SLCO3A1: variants seen among roughly 807,000 people sequenced by gnomAD.
SLCO3A1 encodes PGE1 transporter.
In SLCO3A1, 27 loss-of-function variants were observed where a neutral mutation model predicts 63.1. The ratio of observed to expected loss-of-function variants is 0.43; its 90% CI spans 0.32 to 0.59. SLCO3A1 has a LOEUF of 0.59. Among genes scored for constraint, SLCO3A1 ranks in the 20% least tolerant of loss-of-function variants. The probability of loss-of-function intolerance (pLI) is 0.09; values close to 1 mark genes in which losing one functional copy is unlikely to be tolerated. For missense variants in SLCO3A1, 773 were observed against 945.8 expected, an observed-to-expected ratio of 0.82 and a Z score of 2.40; for synonymous variants, 473 against 409.9, an observed-to-expected ratio of 1.15 and a Z score of -1.86.
chr15:91,880,369 C>T (rs1279263852), intron 1 of SLCO3A1, among the ~76,000 whole-genome samples: 4 of 127,446 alleles, frequency 3.1e-5, no homozygotes, highest in East Asian at 2.1e-4. Flanking sequence ...TCAGTTTTAC[C>T]GGCACTCGTG....
intron 1 of SLCO3A1, among the ~76,000 whole-genome samples, chr15:91,880,640 TC>T (rs1897558253): frequency 6.6e-6 from 1 of 151,668 alleles, no homozygotes; most frequent in South Asian, 2.1e-4. Context: ...TTTTTTTTTT[TC>T]CACTAAGCAC....
At chr15:91,914,039 AAATGAT>A (rs537605331) in intron 1 of SLCO3A1, among the ~76,000 whole-genome samples, 72 of 152,286 alleles carry the variant, frequency 4.7e-4, no homozygotes, top group African/African-American at 1.7e-3. Context: ...GTTCACAGAT[AAATGAT>A]AATGATAATG....
intron 8 of SLCO3A1, among the ~76,000 whole-genome samples, chr15:92,148,466 A>T (rs915518337): frequency 6.6e-6 from 1 of 152,228 alleles, no homozygotes; most frequent in Non-Finnish European, 1.5e-5. Flanking sequence ...GGCCTTGCGA[A>T]TGTGCAGAGC....
chr15:92,027,409 G>A (rs778128005), intron 2 of SLCO3A1, among the ~76,000 whole-genome samples: 10 of 152,170 alleles, frequency 6.6e-5, no homozygotes, highest in East Asian at 1.9e-4. Context: ...ACCATTTGAC[G>A]AAGGTACCGT....
At chr15:91,857,029 CGTGT>C (rs58042356) in intron 1 of SLCO3A1, among the ~76,000 whole-genome samples, 13,892 of 138,696 alleles carry the variant, frequency 0.1, 895 homozygotes, top group African/African-American at 0.17. Context: ...AAGGAGGACT[CGTGT>C]GTGTGTGTGT....
chr15:91,887,096 C>T (rs897752126), intron 1 of SLCO3A1, among the ~76,000 whole-genome samples: 4 of 152,158 alleles, frequency 2.6e-5, no homozygotes, highest in African/African-American at 7.2e-5. Context: ...TGCCAGGTGT[C>T]ATTATCACTG....
chr15:92,049,573 G>A (rs933277503), intron 2 of SLCO3A1, among the ~76,000 whole-genome samples: 1 of 152,182 alleles, frequency 6.6e-6, no homozygotes, highest in African/African-American at 2.4e-5. Flanking sequence ...AACCACTGGA[G>A]ATGTGGGCAG....
intron 2 of SLCO3A1, among the ~76,000 whole-genome samples, chr15:91,956,383 T>G (rs1376724668): frequency 6.6e-6 from 1 of 152,188 alleles, no homozygotes; most frequent in Non-Finnish European, 1.5e-5. Context: ...GCAGCCTCAG[T>G]TGGCCCGCTC....
In SLCO3A1 at chr15:92,093,811, G is replaced by A. The variant is rs141598972; in HGVS notation, c.647-1070G>A. 2.2e-3 allele frequency among the ~76,000 whole-genome samples: 332 copies of A among 151,906 alleles called. 2 individuals are homozygous for A. The highest frequency in any genetic ancestry group is 7.8e-3 in the African/African-American group (324 of 41,388). On this transcript the variant is annotated intron_variant, in intron 2 of 9. Transcript: ENST00000318445. The stretch of plus-strand genomic sequence containing the variant: ...GAGAATTTAGGGTGAGTTGGTCTAC[G>A]CCTATGAACAGACTAGGCTGGAGAG...
chr15:91,895,205 C>A (rs1436971223), intron 1 of SLCO3A1, among the ~76,000 whole-genome samples: 2 of 152,146 alleles, frequency 1.3e-5, no homozygotes, highest in Non-Finnish European at 1.5e-5. Flanking sequence ...GTGTAAGAAC[C>A]CTGTGCTAGT....
chr15:92,019,083 G>A (rs948378512), intron 2 of SLCO3A1, among the ~76,000 whole-genome samples: 6 of 96,926 alleles, frequency 6.2e-5, no homozygotes, highest in Admixed American at 2.6e-4. Context: ...GGGCTGATGC[G>A]CGGTTCCTAA....
intron 2 of SLCO3A1, among the ~76,000 whole-genome samples, chr15:92,046,375 A>G (rs992095162): frequency 6.6e-6 from 1 of 151,828 alleles, no homozygotes; most frequent in African/African-American, 2.4e-5. Flanking sequence ...AGAAAAAAAA[A>G]AATACCTGGG....
intron 2 of SLCO3A1, among the ~76,000 whole-genome samples, chr15:91,931,525 C>A (rs1045040648): frequency 1.3e-5 from 2 of 151,194 alleles, no homozygotes; most frequent in Non-Finnish European, 2.9e-5. Context: ...GGCTGGAGTG[C>A]AATGGTGCGA....
chr15:92,172,144 C>A (rs749002511), exon 11 of SLCO3A1: 2 of 321,846 alleles, frequency 6.2e-6, no homozygotes, highest in Non-Finnish European at 1.1e-5. Flanking sequence ...TTCCACCCAT[C>A]CCTCTACCTC....
chr15:92,107,019 C>T (rs1383151600), intron 4 of SLCO3A1, among the ~76,000 whole-genome samples: 1 of 152,298 alleles, frequency 6.6e-6, no homozygotes, highest in Non-Finnish European at 1.5e-5. Context: ...AGCTTATGTT[C>T]CACTAGGGTG....
At chr15:92,153,405 TGC>T (rs2048332356) in intron 9 of SLCO3A1, 6 of 152,242 alleles carry the variant, frequency 3.9e-5, no homozygotes, top group African/African-American at 1.4e-4. Context: ...TGGAAAACCC[TGC>T]TCTAGAAGAC....
At chr15:92,128,281 C>G in intron 6 of SLCO3A1, 70 bp from the exon 7 acceptor site, 1 of 1,586,020 alleles carries the variant, frequency 6.3e-7, no homozygotes, top group Non-Finnish European at 8.6e-7. Flanking sequence ...AGGCAAAAGG[C>G]TGTCACTGGG....
chr15:92,135,280 T>G (rs925931364), intron 7 of SLCO3A1, among the ~76,000 whole-genome samples: 3 of 152,156 alleles, frequency 2.0e-5, no homozygotes, highest in African/African-American at 7.2e-5. Context: ...AGAGTGAGCC[T>G]TTCTGCTCCC....
chr15:91,932,655 C>G (rs1567192479), intron 2 of SLCO3A1, among the ~76,000 whole-genome samples: 1 of 152,190 alleles, frequency 6.6e-6, no homozygotes, highest in Admixed American at 6.5e-5. Flanking sequence ...GTTGGCCAGG[C>G]TGGTCTCAAA....
Sources: allele counts gnomAD v4.1 joint callset (sites outside exome capture counted in the v4.1 genomes callset), GRCh38; gene constraint gnomAD v4.1.1; transcripts MANE v1.5; gene names NCBI Gene and HGNC (gene_info 2026-07-23, HGNC 2026-07-21).